OR5T3: variants seen among roughly 807,000 people sequenced by gnomAD.
OR5T3 encodes olfactory receptor family 5 subfamily T member 3, also known as olfactory receptor 5T3.
Under a neutral mutation model 14.0 loss-of-function variants are expected in OR5T3, and 14 were observed. That is an observed-to-expected ratio of 1.00 (90% CI 0.66 to 1.56). The LOEUF (loss-of-function observed/expected upper bound fraction) is 1.56. OR5T3 is among the 40% of genes most tolerant of loss of function. The pLI is 0.00. For synonymous variants in OR5T3, 150 were observed against 137.2 expected (o/e 1.09, Z -0.65); for missense variants, 410 against 374.2 (o/e 1.10, Z -0.79).
rs772723099 is a variant in OR5T3 at position 56,252,336 on chromosome 11, G to A, written c.83G>A (p.Gly28Asp). 1 of 1,613,608 alleles carries A rather than the reference G, an allele frequency of 6.2e-7. No homozygotes were observed. The highest frequency in any genetic ancestry group is 2.2e-5 in the East Asian group (1 of 44,864). Residue 28 changes from glycine (G) to aspartate (D), a missense_variant, in exon 1 of 1, where the codon GGC (glycine) becomes GAC (aspartate). Gly to Asp is a moderately conservative substitution (Grantham distance 94). Transcript: ENST00000313033. ...KTEVTMFILT[G>D]FTDDFELQVF... ...GAAGTCACCATGTTTATATTGACAG[G>A]CTTCACAGATGATTTTGAGCTGCAA...
chr11:56,252,921 T>C lies in OR5T3; in HGVS notation c.668T>C (p.Ile223Thr), dbSNP rs1303091641. The change falls in exon 1 of 1, where the codon ATC becomes ACC. Residue 223 changes from isoleucine to threonine, a missense_variant. Physicochemically the swap from Ile to Thr is moderately conservative, Grantham distance 89 (BLOSUM62 -1). Transcript: ENST00000313033. ...YFVGSIEIVT[I>T]LIVLISCDFI... The stretch of plus-strand genomic sequence containing the variant: ...GTGGGTTCTATTGAGATAGTCACTA[T>C]CCTGATTGTCCTCATTTCCTGTGAT... The C allele has an allele frequency of 9.4e-5, 151 of 1,613,726 alleles. No homozygotes were observed. The highest frequency in any genetic ancestry group is 1.2e-4 in the Non-Finnish European group (142 of 1,179,802).
Position 56,252,460 on chromosome 11 carries a change from C to T in OR5T3, c.207C>T (p.Asn69=), listed in dbSNP as rs534545230. ...VLVIEDSWLH[N]PMYYFLSVLS... is the part of the protein sequence containing the mutation. ...TCATTGAGGATTCCTGGCTCCACAA[C>T]CCCATGTATTATTTTCTTAGTGTTT... is the stretch of plus-strand genomic sequence containing the variant. The change falls in exon 1 of 1, where the codon AAC becomes AAT. Residue 69 remains asparagine, a synonymous_variant. Coordinates refer to ENST00000313033, the MANE Select transcript of OR5T3 (RefSeq NM_001004747.2). 13 of 1,613,792 alleles carry T rather than the reference C, an allele frequency of 8.1e-6. No homozygotes were observed. The highest frequency in any genetic ancestry group is 1.3e-5 in the African/African-American group (1 of 75,012).
At position 56,253,171 on chromosome 11, in the gene OR5T3, C is replaced by T. The variant is rs1341862585; in HGVS notation, c.918C>T (p.Asn306=). 1 of 1,587,530 alleles carries T rather than the reference C, an allele frequency of 6.3e-7. No individual in the cohort carries two copies. Among genetic ancestry groups the T allele is most frequent in the Admixed American group, 1.8e-5 (1 of 55,358 alleles). The part of the protein sequence containing the change: ...KLNPIIYSLR[N]KEVKKAVKKM... ...ATCCCATCATCTATAGTTTGAGGAA[C>T]AAAGAAGTAAAAAAGGCAGTGAAGA... The change falls in exon 1 of 1, where the codon AAC becomes AAT. Residue 306 remains asparagine (N), a synonymous_variant. Coordinates refer to ENST00000313033, the MANE Select transcript of OR5T3 (RefSeq NM_001004747.2).
chr11:56,253,026 C>G lies in OR5T3; in HGVS notation c.773C>G (p.Thr258Ser). ...KAFSTCGSHL[T>S]GVTIYHGTIL... Reference sequence around the variant, plus strand: ...TTCTCTACATGTGGCTCTCACCTAACTGGAGTGACAATTTATCATGGAACA... The same window carrying G: ...TTCTCTACATGTGGCTCTCACCTAAGTGGAGTGACAATTTATCATGGAACA... Residue 258 changes from threonine (T) to serine (S), a missense_variant, in exon 1 of 1, where the codon ACT becomes AGT. By Grantham distance (58) the Thr-to-Ser change is moderately conservative. Coordinates refer to ENST00000313033, the MANE Select transcript of OR5T3 (RefSeq NM_001004747.2). The G allele has an allele frequency of 1.2e-6, 2 of 1,613,636 alleles. No homozygotes were observed. Among genetic ancestry groups the G allele is most frequent in the Non-Finnish European group, 1.7e-6 (2 of 1,179,670 alleles).
rs1853598294 is a variant in OR5T3, at chr11:56,253,023, T to C, written c.770T>C (p.Leu257Pro). The change falls in exon 1 of 1, where the codon CTA becomes CCA. Residue 257 changes from leucine to proline, a missense_variant. Physicochemically the swap from Leu to Pro is moderately conservative, Grantham distance 98 (BLOSUM62 -3). Coordinates refer to ENST00000313033, the MANE Select transcript of OR5T3 (RefSeq NM_001004747.2). The part of the protein sequence containing the change: ...QKAFSTCGSH[L>P]TGVTIYHGTI... Reference sequence around the variant, plus strand: ...GCCTTCTCTACATGTGGCTCTCACCTAACTGGAGTGACAATTTATCATGGA... The same window carrying C: ...GCCTTCTCTACATGTGGCTCTCACCCAACTGGAGTGACAATTTATCATGGA... 3 of 1,613,556 alleles carry C rather than the reference T, an allele frequency of 1.9e-6. No homozygotes were observed. The highest frequency in any genetic ancestry group is 2.5e-6 in the Non-Finnish European group (3 of 1,179,672).
chr11:56,252,328 A>T lies in OR5T3; in HGVS notation c.75A>T (p.Ile25=). The change falls in exon 1 of 1, where the codon ATA becomes ATT. Residue 25 remains isoleucine, a synonymous_variant. Transcript: ENST00000313033. ...ACAAGACTGAAGTCACCATGTTTAT[A>T]TTGACAGGCTTCACAGATGATTTTG... ...LKNKTEVTMF[I]LTGFTDDFEL... is the part of the protein sequence containing the mutation. 6.2e-7 allele frequency: 1 copy of T among 1,613,596 alleles called. No homozygotes were observed. The highest frequency in any genetic ancestry group is 8.5e-7 in the Non-Finnish European group (1 of 1,179,624).
rs1853584915 is a variant in OR5T3, at chr11:56,252,548, G to T, written c.295G>T (p.Ala99Ser). Residue 99 changes from alanine (A) to serine (S), a missense_variant, in exon 1 of 1, where the codon GCA (alanine) becomes TCA (serine). By Grantham distance (99) the Ala-to-Ser change is moderately conservative. Transcript: ENST00000313033. ...VTPKMLVNFL[A>S]KNKSISFIGC... ...TCCAAAAATGTTGGTCAATTTCCTG[G>T]CAAAAAATAAATCCATTTCATTTAT... 3 of 1,613,720 alleles carry T rather than the reference G, an allele frequency of 1.9e-6. No homozygotes were observed. Among genetic ancestry groups the T allele is most frequent in the South Asian group, 2.2e-5 (2 of 91,072 alleles).
chr11:56,252,329 T>C lies in OR5T3; in HGVS notation c.76T>C (p.Leu26=). Reference sequence around the variant, plus strand: ...CAAGACTGAAGTCACCATGTTTATATTGACAGGCTTCACAGATGATTTTGA... The same window carrying C: ...CAAGACTGAAGTCACCATGTTTATACTGACAGGCTTCACAGATGATTTTGA... ...KNKTEVTMFI[L]TGFTDDFELQ... The change falls in exon 1 of 1, where the codon TTG becomes CTG. Residue 26 remains leucine (L), a synonymous_variant. Coordinates refer to ENST00000313033, the MANE Select transcript of OR5T3 (RefSeq NM_001004747.2). 1 of 1,613,666 alleles carries C rather than the reference T, an allele frequency of 6.2e-7. No homozygotes were observed. The highest frequency in any genetic ancestry group is 8.5e-7 in the Non-Finnish European group (1 of 1,179,654).
chr11:56,252,957 T>A lies in OR5T3; in HGVS notation c.704T>A (p.Leu235Ter), dbSNP rs367575352. ...IVLISCDFIL[L>*]SILKMHSAKG... is the part of the protein sequence containing the mutation. ...CTCATTTCCTGTGATTTCATTCTGT[T>A]GTCCATTCTGAAGATGCATTCTGCT... Residue 235 changes from leucine to a stop codon, truncating the protein, a stop_gained, in exon 1 of 1, where the codon TTG becomes TAG. Coordinates refer to ENST00000313033, the MANE Select transcript of OR5T3 (RefSeq NM_001004747.2). LOFTEE classifies it high-confidence loss of function. 3.7e-5 allele frequency: 60 copies of A among 1,613,770 alleles called. 1 individual carries two copies. In the Middle Eastern group the frequency reaches 8.2e-4, roughly 22 times the overall value.
At position 56,252,323 on chromosome 11, in the gene OR5T3, T is replaced by C. The variant is rs1853579746; in HGVS notation, c.70T>C (p.Phe24Leu). The change falls in exon 1 of 1, where the codon TTT becomes CTT. Residue 24 changes from phenylalanine (F) to leucine (L), a missense_variant. Phe to Leu is a conservative substitution (Grantham distance 22). Coordinates refer to ENST00000313033, the MANE Select transcript of OR5T3 (RefSeq NM_001004747.2). ...PLKNKTEVTMFILTGFTDDFE... is the reference protein window; with the variant it reads ...PLKNKTEVTMLILTGFTDDFE... ...GAAGAACAAGACTGAAGTCACCATG[T>C]TTATATTGACAGGCTTCACAGATGA... The C allele has an allele frequency of 1.2e-6, 2 of 1,613,544 alleles. No homozygotes were observed. The highest frequency in any genetic ancestry group is 1.3e-5 in the African/African-American group (1 of 75,006).
In OR5T3 at chr11:56,252,431, T is replaced by C; in HGVS notation, c.178T>C (p.Leu60=). The change falls in exon 1 of 1, where the codon TTG becomes CTG. Residue 60 remains leucine, a synonymous_variant. Coordinates refer to ENST00000313033, the MANE Select transcript of OR5T3 (RefSeq NM_001004747.2). ...GATAGGCAATTTAGGGCTGGTTGTG[T>C]TGGTCATTGAGGATTCCTGGCTCCA... ...TLIGNLGLVV[L]VIEDSWLHNP... 2.5e-6 allele frequency: 4 copies of C among 1,613,778 alleles called. No individual in the cohort carries two copies. Among genetic ancestry groups the C allele is most frequent in the Non-Finnish European group, 3.4e-6 (4 of 1,179,764 alleles).
chr11:56,252,461 C>T lies in OR5T3; in HGVS notation c.208C>T (p.Pro70Ser), dbSNP rs142178308. Residue 70 changes from proline to serine, a missense_variant, in exon 1 of 1, where the codon CCC (proline) becomes TCC (serine). By Grantham distance (74) the Pro-to-Ser change is moderately conservative. Transcript: ENST00000313033. ...CATTGAGGATTCCTGGCTCCACAAC[C>T]CCATGTATTATTTTCTTAGTGTTTT... ...LVIEDSWLHNPMYYFLSVLSF... is the reference protein window; with the variant it reads ...LVIEDSWLHNSMYYFLSVLSF... The T allele has an allele frequency of 5.6e-6, 9 of 1,613,756 alleles. No individual in the cohort carries two copies. Among genetic ancestry groups the T allele is most frequent in the Admixed American group, 1.7e-5 (1 of 59,928 alleles).
At position 56,252,833 on chromosome 11, in the gene OR5T3, C is replaced by T; in HGVS notation, c.580C>T (p.Pro194Ser). ...NEIRHVFCDM[P>S]PLLAISCSDT... Reference sequence around the variant, plus strand: ...AATTAGGCATGTCTTTTGTGATATGCCTCCTCTCCTTGCTATTTCTTGTTC... The same window carrying T: ...AATTAGGCATGTCTTTTGTGATATGTCTCCTCTCCTTGCTATTTCTTGTTC... Residue 194 changes from proline (P) to serine (S), a missense_variant, in exon 1 of 1, where the codon CCT becomes TCT. Transcript: ENST00000313033. The T allele has an allele frequency of 6.2e-7, 1 of 1,613,560 alleles. No homozygotes were observed. The highest frequency in any genetic ancestry group is 1.3e-5 in the African/African-American group (1 of 74,992).
At position 56,252,789 on chromosome 11, in the gene OR5T3, CCTT is replaced by C. The variant is rs1480193233; in HGVS notation, c.539_541del (p.Phe180del). The stretch of plus-strand genomic sequence containing the variant: ...CATATAGTGGCTACATTTAGCCTGT[CCTT>C]CTGTGGATCCAATGAAATTAGGCAT... On this transcript the variant is annotated inframe_deletion, in exon 1 of 1. Coordinates refer to ENST00000313033, the MANE Select transcript of OR5T3 (RefSeq NM_001004747.2). 2 of 1,613,854 alleles carry C rather than the reference CCTT, an allele frequency of 1.2e-6. No individual in the cohort carries two copies. Among genetic ancestry groups the C allele is most frequent in the Admixed American group, 1.7e-5 (1 of 59,962 alleles).
At position 56,253,152 on chromosome 11, in the gene OR5T3, T is replaced by C. The variant is rs1346372867; in HGVS notation, c.899T>C (p.Ile300Thr). 1 of 1,609,080 alleles carries C rather than the reference T, an allele frequency of 6.2e-7. No individual in the cohort carries two copies. Among genetic ancestry groups the C allele is most frequent in the Non-Finnish European group, 8.5e-7 (1 of 1,176,996 alleles). Reference protein sequence around the residue: ...YTIVIPKLNPIIYSLRNKEVK... With the variant: ...YTIVIPKLNPTIYSLRNKEVK... ...ATTGTGATTCCCAAGTTGAATCCCA[T>C]CATCTATAGTTTGAGGAACAAAGAA... Residue 300 changes from isoleucine (I) to threonine (T), a missense_variant, in exon 1 of 1, where the codon ATC becomes ACC. By Grantham distance (89) the Ile-to-Thr change is moderately conservative. Transcript: ENST00000313033.
In OR5T3 at chr11:56,252,912, T is replaced by G. The variant is rs776702087; in HGVS notation, c.659T>G (p.Ile220Arg). ...TTCTACTTTGTGGGTTCTATTGAGA[T>G]AGTCACTATCCTGATTGTCCTCATT... is the stretch of plus-strand genomic sequence containing the variant. ...LLFYFVGSIE[I>R]VTILIVLISC... The change falls in exon 1 of 1, where the codon ATA becomes AGA. Residue 220 changes from isoleucine to arginine, a missense_variant. Ile to Arg is a moderately conservative substitution (Grantham distance 97). Coordinates refer to ENST00000313033, the MANE Select transcript of OR5T3 (RefSeq NM_001004747.2). The G allele has an allele frequency of 1.9e-6, 3 of 1,613,830 alleles. No homozygotes were observed. Among genetic ancestry groups the G allele is most frequent in the Admixed American group, 1.7e-5 (1 of 59,978 alleles).
In OR5T3 at chr11:56,252,738, T is replaced by C; in HGVS notation, c.485T>C (p.Val162Ala). The change falls in exon 1 of 1, where the codon GTT (valine) becomes GCT (alanine). Residue 162 changes from valine to alanine, a missense_variant. By Grantham distance (64) the Val-to-Ala change is moderately conservative. Coordinates refer to ENST00000313033, the MANE Select transcript of OR5T3 (RefSeq NM_001004747.2). ...VYVPLITASY[V>A]AGILHATIHI... is the part of the protein sequence containing the mutation. ...GTGCCACTCATCACTGCTTCCTACGTTGCTGGCATTTTACATGCTACTATA... is the reference window on the plus strand; with the variant it reads ...GTGCCACTCATCACTGCTTCCTACGCTGCTGGCATTTTACATGCTACTATA... The C allele has an allele frequency of 1.9e-6, 3 of 1,613,900 alleles. No individual in the cohort carries two copies. Among genetic ancestry groups the C allele is most frequent in the Non-Finnish European group, 2.5e-6 (3 of 1,179,820 alleles).
Position 56,252,326 on chromosome 11 carries a change from A to G in OR5T3, c.73A>G (p.Ile25Val). The change falls in exon 1 of 1, where the codon ATA becomes GTA. Residue 25 changes from isoleucine to valine, a missense_variant. By Grantham distance (29) the Ile-to-Val change is conservative. Coordinates refer to ENST00000313033, the MANE Select transcript of OR5T3 (RefSeq NM_001004747.2). ...GAACAAGACTGAAGTCACCATGTTT[A>G]TATTGACAGGCTTCACAGATGATTT... Reference protein sequence around the residue: ...LKNKTEVTMFILTGFTDDFEL... With the variant: ...LKNKTEVTMFVLTGFTDDFEL... The G allele has an allele frequency of 6.2e-7, 1 of 1,613,614 alleles. No individual in the cohort carries two copies. The highest frequency in any genetic ancestry group is 8.5e-7 in the Non-Finnish European group (1 of 1,179,614).
chr11:56,252,486 TA>T lies in OR5T3; in HGVS notation c.234del (p.Leu78PhefsTer59), dbSNP rs1398570943. 1.9e-6 allele frequency: 3 copies of T among 1,613,786 alleles called. No homozygotes were observed. The highest frequency in any genetic ancestry group is 1.7e-6 in the Non-Finnish European group (2 of 1,179,844). ...CCCATGTATTATTTTCTTAGTGTTT[TA>T]TCATTCTTGGATGCTTGCTATTCTA... The part of the protein sequence containing the change: ...HNPMYYFLSV[L>X]SFLDACYSTV... On this transcript the variant is annotated frameshift_variant, in exon 1 of 1. Coordinates refer to ENST00000313033, the MANE Select transcript of OR5T3 (RefSeq NM_001004747.2). LOFTEE classifies it high-confidence loss of function.
Sources: gnomAD v4.1 joint callset for allele counts on GRCh38, gnomAD v4.1.1 for gene constraint, MANE v1.5 for transcripts, NCBI Gene and HGNC (gene_info 2026-07-23, HGNC 2026-07-21) for gene names.